The following GLIS1 variants were observed in gnomAD, a reference collection of about 807,000 sequenced individuals.
The protein encoded by GLIS1 is GLIS family zinc finger 1.
GLIS1 carries 24 observed loss-of-function variants against 63.8 expected under a neutral mutation model. The observed-to-expected ratio is 0.38, with a 90% CI of 0.27 to 0.53. GLIS1 has a LOEUF of 0.53. GLIS1 is among the 20% of genes least tolerant of loss of function. The probability of loss-of-function intolerance (pLI) is 0.85; values close to 1 mark genes in which losing one functional copy is unlikely to be tolerated. For missense variants in GLIS1, 1,036 were observed against 1,074.1 expected, an observed-to-expected ratio of 0.96 and a Z score of 0.50; for synonymous variants, 450 against 482.5, an observed-to-expected ratio of 0.93 and a Z score of 0.88.
Position 53,619,073 on chromosome 1 carries a change from C to T in GLIS1, c.260-18795G>A, listed in dbSNP as rs548435877. Among the ~76,000 whole-genome samples, 21 of 152,348 alleles carry T rather than the reference C, an allele frequency of 1.4e-4. No individual in the cohort carries two copies. In the South Asian group the frequency reaches 3.5e-3, roughly 26 times the overall value. On this transcript the variant is annotated intron_variant, in intron 2 of 10. Transcript: ENST00000628545. ...GTCAAAAGGCTTCATGATCCAGAGG[C>T]GGGGCTGGTCTTGGACCAGACCTCT...
chr1:53,559,952 C>G (rs1644869802), intron 4 of GLIS1, among the ~76,000 whole-genome samples: 1 of 152,120 alleles, frequency 6.6e-6, no homozygotes, highest in Non-Finnish European at 1.5e-5. Context: ...ACAGTGTTCC[C>G]TCTCCTAGAT....
intron 2 of GLIS1, among the ~76,000 whole-genome samples, chr1:53,628,663 C>T (rs1306748529): frequency 2.0e-5 from 3 of 152,158 alleles, no homozygotes; most frequent in African/African-American, 4.8e-5. Flanking sequence ...CACCCACAGG[C>T]ACCCCCTCCA....
At chr1:53,701,998 G>GAAAAAAAAAA (rs919008620) in intron 2 of GLIS1, among the ~76,000 whole-genome samples, 4 of 56,272 alleles carry the variant, frequency 7.1e-5, no homozygotes, top group South Asian at 7.6e-4. Flanking sequence ...ACCTAAAAAA[G>GAAAAAAAAAA]AAAAAAAAAA....
chr1:53,658,731 A>G (rs1247441042), intron 2 of GLIS1, among the ~76,000 whole-genome samples: 5 of 152,188 alleles, frequency 3.3e-5, no homozygotes, highest in African/African-American at 4.8e-5. Flanking sequence ...GCTCCCTGTC[A>G]GCCACTCACT....
intron 2 of GLIS1, among the ~76,000 whole-genome samples, chr1:53,619,674 A>G (rs1211197659): frequency 2.0e-5 from 3 of 152,216 alleles, no homozygotes; most frequent in Non-Finnish European, 4.4e-5. Context: ...GGCTCCAGTG[A>G]TCACCCTATA....
chr1:53,605,625 G>A (rs143229367), intron 2 of GLIS1, among the ~76,000 whole-genome samples: 122 of 152,260 alleles, frequency 8.0e-4, no homozygotes, highest in African/African-American at 2.6e-3. Context: ...CCTCCCCTAC[G>A]AGCCTGAGAA....
At chr1:53,556,442 A>AGG in intron 4 of GLIS1, among the ~76,000 whole-genome samples, 1 of 109,706 alleles carries the variant, frequency 9.1e-6, no homozygotes, top group Non-Finnish European at 1.8e-5. Context: ...GGTGTACTGC[A>AGG]GGTGTGTGTA....
intron 2 of GLIS1, among the ~76,000 whole-genome samples, chr1:53,645,069 G>T (rs1445258444): frequency 1.3e-5 from 2 of 152,116 alleles, no homozygotes; most frequent in Non-Finnish European, 2.9e-5. Flanking sequence ...CTAAACAAAC[G>T]CACGCCAGCC....
At chr1:53,643,236 G>A (rs1645806220) in intron 2 of GLIS1, among the ~76,000 whole-genome samples, 1 of 152,210 alleles carries the variant, frequency 6.6e-6, no homozygotes, top group Non-Finnish European at 1.5e-5. Flanking sequence ...TTACACTTGG[G>A]CCGCTTCTCT....
At chr1:53,588,799 C>G (rs1201777682) in intron 4 of GLIS1, among the ~76,000 whole-genome samples, 2 of 152,150 alleles carry the variant, frequency 1.3e-5, no homozygotes, top group Non-Finnish European at 2.9e-5. Context: ...GCGGTGTGTC[C>G]CATTAGAATG....
intron 4 of GLIS1, among the ~76,000 whole-genome samples, chr1:53,559,994 C>CAA (rs1290432978): frequency 6.6e-6 from 1 of 152,172 alleles, no homozygotes; most frequent in Non-Finnish European, 1.5e-5. Flanking sequence ...ACTTATCCTT[C>CAA]AAGGTCCAAC....
rs542522964 is a variant in GLIS1 at position 53,702,007 on chromosome 1, A to G, written c.259+35799T>C. 9.4e-5 allele frequency among the ~76,000 whole-genome samples: 14 copies of G among 148,754 alleles called. 1 individual carries two copies. The South Asian group carries it at 1.7e-3, about 18-fold the overall frequency. On this transcript the variant is annotated intron_variant, in intron 2 of 10. Coordinates refer to ENST00000628545, the MANE Select transcript of GLIS1 (RefSeq NM_001367484.1). ...GGCTCTACCTAAAAAAGAAAAAAAA[A>G]AAAAAAAAAAAAAAAGAAAGTCCAG...
chr1:53,588,613 G>T (rs1353927747), intron 4 of GLIS1, among the ~76,000 whole-genome samples: 3 of 152,238 alleles, frequency 2.0e-5, no homozygotes, highest in African/African-American at 7.2e-5. Context: ...ATGTTGCAAT[G>T]GGTGAGGGGT....
intron 2 of GLIS1, among the ~76,000 whole-genome samples, chr1:53,673,242 G>A (rs529476435): frequency 6.6e-5 from 10 of 152,300 alleles, no homozygotes; most frequent in African/African-American, 1.9e-4. Flanking sequence ...CTAGTGGAAC[G>A]CCGCAGTGAT....
chr1:53,528,849 G>A (rs1451645841), intron 5 of GLIS1, among the ~76,000 whole-genome samples: 1 of 152,072 alleles, frequency 6.6e-6, no homozygotes, highest in Non-Finnish European at 1.5e-5. Flanking sequence ...AGGAAGCATA[G>A]AGAAACCAGC....
intron 8 of GLIS1, among the ~76,000 whole-genome samples, chr1:53,512,699 G>T (rs986264247): frequency 3.3e-5 from 5 of 152,184 alleles, no homozygotes; most frequent in South Asian, 2.1e-4. Flanking sequence ...GGCAGGCGGG[G>T]GTCCCGTCTT....
chr1:53,524,808 T>C lies in GLIS1; in HGVS notation c.1562A>G (p.His521Arg). 6.2e-7 allele frequency: 1 copy of C among 1,612,704 alleles called. No homozygotes were observed. The highest frequency in any genetic ancestry group is 8.5e-7 in the Non-Finnish European group (1 of 1,179,328). The change falls in exon 6 of 11, where the codon CAT (histidine) becomes CGT (arginine). Residue 521 changes from histidine to arginine, a missense_variant. His to Arg is a conservative substitution (Grantham distance 29). This residue lies in a region of GLIS1 where 400 missense variants were observed against 400.9 expected (regional missense o/e 1.00). Transcript: ENST00000628545. Reference protein sequence around the residue: ...PSSLRKHVKAHSAKEQQVRKK... With the variant: ...PSSLRKHVKARSAKEQQVRKK... ...ACGCACCTGCTGCTCTTTGGCTGAA[T>C]GGGCCTTGACGTGCTTGCGGAGGGA...
intron 4 of GLIS1, among the ~76,000 whole-genome samples, chr1:53,564,871 T>C (rs1644923960): frequency 6.6e-6 from 1 of 152,022 alleles, no homozygotes; most frequent in Admixed American, 6.5e-5. Flanking sequence ...TTTCAACACC[T>C]TTCTTTCAAT....
chr1:53,568,106 G>A (rs180680336), intron 4 of GLIS1, among the ~76,000 whole-genome samples: 141 of 152,342 alleles, frequency 9.3e-4, no homozygotes, highest in African/African-American at 2.9e-3. Flanking sequence ...GAAAGCAGCC[G>A]CGGGGGCTGT....
Sources: allele counts gnomAD v4.1 joint callset (sites outside exome capture counted in the v4.1 genomes callset), GRCh38; gene constraint gnomAD v4.1.1; regional missense constraint gnomAD v4.1.1; transcripts MANE v1.5; gene names NCBI Gene and HGNC (gene_info 2026-07-23, HGNC 2026-07-21).